The following CDH6 variants were observed in gnomAD, a reference collection of about 807,000 sequenced individuals.
CDH6 encodes the protein cadherin-6.
A neutral mutation model predicts 78.0 loss-of-function variants in CDH6; 31 were observed. The ratio of observed to expected loss-of-function variants is 0.40; its 90% CI spans 0.30 to 0.54. CDH6 has a LOEUF of 0.54. Ranked by LOEUF, CDH6 falls within the 20% of genes least tolerant of loss-of-function variation. The pLI is 0.56. For missense variants in CDH6, 724 were observed against 975.9 expected (o/e 0.74, Z 3.44); for synonymous variants, 376 against 368.8 (o/e 1.02, Z -0.23).
chr5:31,302,052 TATG>T, intron 5 of CDH6, 56 bp from the exon 6 acceptor site: 1 of 1,189,500 alleles, frequency 8.4e-7, no homozygotes, highest in Non-Finnish European at 1.2e-6. Flanking sequence ...GTTTTGTTTT[TATG>T]ATGATAAGAG....
chr5:31,302,842 A>G (rs1385166849), intron 6 of CDH6, among the ~76,000 whole-genome samples: 1 of 144,514 alleles, frequency 6.9e-6, no homozygotes, highest in African/African-American at 2.6e-5. Context: ...GAAAGAAAGA[A>G]AGAAAGAAAG....
intron 6 of CDH6, 115 bp from the exon 7 acceptor site, chr5:31,305,059 G>C: frequency 9.7e-7 from 1 of 1,036,186 alleles, no homozygotes; most frequent in Non-Finnish European, 1.4e-6. Flanking sequence ...GTTTCTCTAA[G>C]CAATATGATC....
At chr5:31,269,413 C>T (rs1464088163) in intron 2 of CDH6, among the ~76,000 whole-genome samples, 2 of 152,042 alleles carry the variant, frequency 1.3e-5, no homozygotes, top group African/African-American at 4.8e-5. Flanking sequence ...CAAACAGATC[C>T]GAGAATGTGT....
chr5:31,201,003 A>G (rs958121440), intron 1 of CDH6, among the ~76,000 whole-genome samples: 1 of 152,080 alleles, frequency 6.6e-6, no homozygotes, highest in African/African-American at 2.4e-5. Flanking sequence ...CCATGGATAT[A>G]TTTGATTTAT....
At chr5:31,216,894 G>A (rs1740877392) in intron 1 of CDH6, among the ~76,000 whole-genome samples, 2 of 152,204 alleles carry the variant, frequency 1.3e-5, no homozygotes, top group South Asian at 4.2e-4. Context: ...TGACTGTTAA[G>A]TTGCATAAGA....
intron 7 of CDH6, 42 bp downstream of exon 7, chr5:31,305,469 T>C: frequency 6.4e-7 from 1 of 1,571,384 alleles, no homozygotes; most frequent in Non-Finnish European, 8.6e-7. Context: ...TAAGCTTCAG[T>C]CAATTTATAT....
intron 11 of CDH6, chr5:31,318,381 T>A (rs1738388547): frequency 3.6e-6 from 1 of 280,320 alleles, no homozygotes; most frequent in South Asian, 1.2e-4. Flanking sequence ...CCTAGAAAAA[T>A]AAAAACTATG....
At chr5:31,322,689 A>T in intron 11 of CDH6, 129 bp from the exon 12 acceptor site, 1 of 1,076,322 alleles carries the variant, frequency 9.3e-7, no homozygotes, top group Non-Finnish European at 1.3e-6. Flanking sequence ...CCTTAAAGAA[A>T]TAAAAGTTGA....
At chr5:31,272,613 G>A (rs1352363143) in intron 2 of CDH6, among the ~76,000 whole-genome samples, 1 of 152,132 alleles carries the variant, frequency 6.6e-6, no homozygotes, top group Admixed American at 6.5e-5. Flanking sequence ...TAAAATACCA[G>A]AATTATGCCT....
chr5:31,290,568 A>C (rs1743127747), intron 2 of CDH6, among the ~76,000 whole-genome samples: 1 of 152,226 alleles, frequency 6.6e-6, no homozygotes, highest in Non-Finnish European at 1.5e-5. Flanking sequence ...ATGACATCAC[A>C]AAAGAAAAAA....
chr5:31,237,055 T>C (rs994392169), intron 1 of CDH6, among the ~76,000 whole-genome samples: 5 of 152,170 alleles, frequency 3.3e-5, no homozygotes, highest in East Asian at 1.9e-4. Context: ...TTTGGCAAGA[T>C]AGTATGTTTT....
At chr5:31,236,680 G>A (rs7716135) in intron 1 of CDH6, among the ~76,000 whole-genome samples, 8,170 of 152,126 alleles carry the variant, frequency 0.054, 429 homozygotes, top group African/African-American at 0.14. Context: ...GGGATTCCCC[G>A]CCCCCCATCT....
intron 2 of CDH6, among the ~76,000 whole-genome samples, chr5:31,268,305 G>A (rs1462354682): frequency 2.6e-5 from 4 of 152,268 alleles, no homozygotes; most frequent in African/African-American, 9.6e-5. Flanking sequence ...TTTAACTGTG[G>A]CAAAATTTGT....
chr5:31,310,339 C>T (rs1202994809), intron 7 of CDH6, among the ~76,000 whole-genome samples: 1 of 152,228 alleles, frequency 6.6e-6, no homozygotes, highest in East Asian at 1.9e-4. Flanking sequence ...GGAGTGGGCT[C>T]CCATGGCCTT....
At chr5:31,274,580 G>A (rs1742635507) in intron 2 of CDH6, among the ~76,000 whole-genome samples, 1 of 152,244 alleles carries the variant, frequency 6.6e-6, no homozygotes, top group African/African-American at 2.4e-5. Flanking sequence ...AGCACTTTGG[G>A]AGGCCGAGGC....
At chr5:31,288,290 A>G (rs531954716) in intron 2 of CDH6, among the ~76,000 whole-genome samples, 2 of 152,358 alleles carry the variant, frequency 1.3e-5, no homozygotes, top group East Asian at 3.9e-4. Flanking sequence ...TAATCATCAC[A>G]TATAAATTAG....
chr5:31,313,985 C>A (rs1014434366), intron 8 of CDH6, among the ~76,000 whole-genome samples: 2 of 151,966 alleles, frequency 1.3e-5, no homozygotes, highest in Non-Finnish European at 2.9e-5. Flanking sequence ...ATCAAGTAAT[C>A]AGTAAAATGA....
chr5:31,296,177 A>C (rs559153136), intron 3 of CDH6, among the ~76,000 whole-genome samples: 1 of 151,852 alleles, frequency 6.6e-6, no homozygotes. Flanking sequence ...TAACTTACCT[A>C]CCCCTTTCAT....
intron 3 of CDH6, among the ~76,000 whole-genome samples, chr5:31,295,633 G>A (rs888421954): frequency 6.6e-6 from 1 of 152,010 alleles, no homozygotes; most frequent in Non-Finnish European, 1.5e-5. Flanking sequence ...AGGCATCTTC[G>A]AGAAATTACA....
Sources: gnomAD v4.1 joint callset for allele counts (sites outside exome capture counted in the v4.1 genomes callset) on GRCh38, gnomAD v4.1.1 for gene constraint, MANE v1.5 for transcripts, NCBI Gene and HGNC (gene_info 2026-07-23, HGNC 2026-07-21) for gene names.